The following BAZ1B variants were observed in gnomAD, a reference collection of about 807,000 sequenced individuals.
BAZ1B encodes the protein bromodomain adjacent to zinc finger domain 1B, also known as tyrosine-protein kinase BAZ1B.
A neutral mutation model predicts 153.8 loss-of-function variants in BAZ1B; 22 were observed. That is an observed-to-expected ratio of 0.14 (90% CI 0.10 to 0.20). The LOEUF (loss-of-function observed/expected upper bound fraction) is 0.20, where lower values mean the gene tolerates loss of function less well. Ranked by LOEUF, BAZ1B falls within the 10% of genes least tolerant of loss-of-function variation. BAZ1B has a pLI of 1.00. For synonymous variants in BAZ1B, 676 were observed against 633.4 expected, an observed-to-expected ratio of 1.07 and a Z score of -1.01; for missense variants, 1,325 against 1,799.3, an observed-to-expected ratio of 0.74 and a Z score of 4.77.
At chr7:73,516,826 C>T (rs1380406892) in intron 1 of BAZ1B, among the ~76,000 whole-genome samples, 2 of 148,696 alleles carry the variant, frequency 1.3e-5, no homozygotes, top group Non-Finnish European at 3.0e-5. Flanking sequence ...TCCTACAACC[C>T]CTAACAACGG....
chr7:73,449,851 A>T (rs976816789), intron 14 of BAZ1B, among the ~76,000 whole-genome samples, 162 bp from the exon 15 acceptor site: 1 of 152,232 alleles, frequency 6.6e-6, no homozygotes, highest in Non-Finnish European at 1.5e-5. Context: ...TTCTAAAAAG[A>T]AATGAAGCAT....
At position 73,489,360 on chromosome 7, in the gene BAZ1B, A is replaced by C. The variant is rs1465352380; in HGVS notation, c.725T>G (p.Ile242Ser). 6.2e-7 allele frequency: 1 copy of C among 1,614,180 alleles called. No homozygotes were observed. The highest frequency in any genetic ancestry group is 1.7e-5 in the Admixed American group (1 of 60,006). ...IISNVPADSL[I>S]RTERPPNKEI... ...CTTATTTGGTGGGCGCTCTGTACGA[A>C]TCAAGCTGTCTGCTGGCACGTTACT... The change falls in exon 6 of 20, where the codon ATT becomes AGT. Residue 242 changes from isoleucine (I) to serine (S), a missense_variant. Around this residue, in one of 9 missense-constraint regions of BAZ1B, gnomAD observed 153 missense variants for 204.8 expected, o/e 0.75. Coordinates refer to ENST00000339594, the MANE Select transcript of BAZ1B (RefSeq NM_032408.4).
chr7:73,506,210 C>T (rs997487032), intron 3 of BAZ1B, among the ~76,000 whole-genome samples: 2 of 152,028 alleles, frequency 1.3e-5, no homozygotes, highest in Non-Finnish European at 2.9e-5. Flanking sequence ...AATTAAAAAA[C>T]AAATAAGGCC....
intron 5 of BAZ1B, among the ~76,000 whole-genome samples, chr7:73,491,986 CTTTTTTTTT>C (rs782649883): frequency 1.7e-5 from 2 of 117,260 alleles, no homozygotes; most frequent in Admixed American, 1.8e-4. Context: ...CAGCAAAACG[CTTTTTTTTT>C]TTTTTTTTTT....
At position 73,478,021 on chromosome 7, in the gene BAZ1B, T is replaced by C. The variant is rs1789057419; in HGVS notation, c.1440A>G (p.Ala480=). ...HLPPAALHLI[A]YYKENKDRED... is the part of the protein sequence containing the mutation. ...CCCTGTCTTTGTTTTCTTTGTAGTA[T>C]GCAATGAGGTGTAGGGCTGCAGGAG... Residue 480 remains alanine (A), a synonymous_variant, in exon 7 of 20, where the codon GCA becomes GCG. Transcript: ENST00000339594. 6.2e-7 allele frequency: 1 copy of C among 1,614,112 alleles called. No individual in the cohort carries two copies. The highest frequency in any genetic ancestry group is 2.2e-5 in the East Asian group (1 of 44,884).
rs782747336 is a variant in BAZ1B, at chr7:73,469,613, T to A, written c.2770A>T (p.Ile924Phe). ...LFSDEVPGLF[I>F]EKGWVHDSID... ...CTGTCATGTACCCAGCCTTTTTCAATGAATAATCCTGGAACTTCATCTGAG... is the reference window on the plus strand; with the variant it reads ...CTGTCATGTACCCAGCCTTTTTCAAAGAATAATCCTGGAACTTCATCTGAG... The change falls in exon 9 of 20, where the codon ATT (isoleucine) becomes TTT (phenylalanine). Residue 924 changes from isoleucine to phenylalanine, a missense_variant. By Grantham distance (21) the Ile-to-Phe change is conservative. This residue lies in a region of BAZ1B where 431 missense variants were observed against 563.5 expected (regional missense o/e 0.76). Transcript: ENST00000339594. The A allele has an allele frequency of 1.2e-6, 2 of 1,614,046 alleles. No individual in the cohort carries two copies. Among genetic ancestry groups the A allele is most frequent in the African/African-American group, 2.7e-5 (2 of 74,926 alleles).
intron 10 of BAZ1B, 43 bp downstream of exon 10, chr7:73,466,253 T>C: frequency 1.4e-6 from 2 of 1,399,570 alleles, no homozygotes; most frequent in Non-Finnish European, 2.0e-6. Flanking sequence ...CCTTAACAAT[T>C]AAAAGGAAAA....
In BAZ1B at chr7:73,477,556, C is replaced by T. The variant is rs1554573010; in HGVS notation, c.1905G>A (p.Val635=). 1 of 1,614,154 alleles carries T rather than the reference C, an allele frequency of 6.2e-7. No homozygotes were observed. Among genetic ancestry groups the T allele is most frequent in the South Asian group, 1.1e-5 (1 of 91,082 alleles). The change falls in exon 7 of 20, where the codon GTG becomes GTA. Residue 635 remains valine (V), a synonymous_variant. Coordinates refer to ENST00000339594, the MANE Select transcript of BAZ1B (RefSeq NM_032408.4). The surrounding 1 kb of genome is among the most constrained non-coding windows in gnomAD (Gnocchi z 5.6). ...LPDAQYPITA[V]SLMEALSADK... ...CTGCACTCAAGGCTTCCATAAGGGACACAGCAGTAATAGGATACTGAGCAT... is the reference window on the plus strand; with the variant it reads ...CTGCACTCAAGGCTTCCATAAGGGATACAGCAGTAATAGGATACTGAGCAT...
At chr7:73,509,361 G>C (rs762150970) in intron 2 of BAZ1B, among the ~76,000 whole-genome samples, 1 of 151,824 alleles carries the variant, frequency 6.6e-6, no homozygotes, top group Non-Finnish European at 1.5e-5. Context: ...AACATTTTAC[G>C]AGTTTTAGGT....
At position 73,477,693 on chromosome 7, in the gene BAZ1B, G is replaced by T; in HGVS notation, c.1768C>A (p.Leu590Ile). 2 of 1,614,146 alleles carry T rather than the reference G, an allele frequency of 1.2e-6. No homozygotes were observed. The highest frequency in any genetic ancestry group is 1.6e-4 in the Middle Eastern group (1 of 6,062). Residue 590 changes from leucine (L) to isoleucine (I), a missense_variant, in exon 7 of 20, where the codon CTT (leucine) becomes ATT (isoleucine). Transcript: ENST00000339594. This position sits in a 1 kb window ranked among gnomAD's most constrained non-coding sequence, Gnocchi z 5.6. ...GTATCCACCAATCTGAATGCTGGAAGGTTTTTGCCAGTTAACTCTTGGTCC... is the reference window on the plus strand; with the variant it reads ...GTATCCACCAATCTGAATGCTGGAATGTTTTTGCCAGTTAACTCTTGGTCC... ...YEDQELTGKN[L>I]PAFRLVDTPE...
At chr7:73,465,786 T>A (rs928035577) in intron 10 of BAZ1B, among the ~76,000 whole-genome samples, 8 of 152,130 alleles carry the variant, frequency 5.3e-5, no homozygotes, top group Admixed American at 2.6e-4. Context: ...ATAAAGTTAA[T>A]TGGCATACTT....
intron 5 of BAZ1B, among the ~76,000 whole-genome samples, chr7:73,489,910 C>A (rs1028004722): frequency 6.6e-6 from 1 of 152,166 alleles, no homozygotes; most frequent in Non-Finnish European, 1.5e-5. Flanking sequence ...TTCAGCAATT[C>A]CTCTCGTTAA....
chr7:73,442,273 C>G lies in BAZ1B; in HGVS notation c.4375G>C (p.Asp1459His). The G allele has an allele frequency of 6.2e-7, 1 of 1,614,104 alleles. No individual in the cohort carries two copies. Among genetic ancestry groups the G allele is most frequent in the Non-Finnish European group, 8.5e-7 (1 of 1,180,034 alleles). ...TCCCCTTCATCTTCAGCAAGCCTAT[C>G]AGGAAACTTCTTGCGCTTCCTGCGG... ...YVRRKRKKFPDRLAEDEGDSE... is the reference protein window; with the variant it reads ...YVRRKRKKFPHRLAEDEGDSE... Residue 1459 changes from aspartate (D) to histidine (H), a missense_variant, in exon 19 of 20, where the codon GAT becomes CAT. Asp to His is a moderately conservative substitution (Grantham distance 81). Coordinates refer to ENST00000339594, the MANE Select transcript of BAZ1B (RefSeq NM_032408.4).
At chr7:73,491,592 TC>T (rs1554575472) in intron 5 of BAZ1B, among the ~76,000 whole-genome samples, 1 of 148,594 alleles carries the variant, frequency 6.7e-6, no homozygotes, top group African/African-American at 2.5e-5. Context: ...AGAGCAAAAC[TC>T]CATCTCAAAA....
In BAZ1B at chr7:73,487,848, G is replaced by A. The variant is rs1045421017; in HGVS notation, c.891+1346C>T. ...TTACTTTCTAAATTTTTCCTTTTAA[G>A]CAAATAATAATAATTTAAAGAGCAT... On this transcript the variant is annotated intron_variant, in intron 6 of 19. Coordinates refer to ENST00000339594, the MANE Select transcript of BAZ1B (RefSeq NM_032408.4). Among the ~76,000 whole-genome samples, 43 of 152,138 alleles carry A rather than the reference G, an allele frequency of 2.8e-4. 1 individual carries two copies. The highest frequency in any genetic ancestry group is 1.4e-3 in the Admixed American group (21 of 15,268).
chr7:73,496,338 C>A (rs1420660673), intron 4 of BAZ1B, among the ~76,000 whole-genome samples: 2 of 152,108 alleles, frequency 1.3e-5, no homozygotes. Context: ...TGGGATGGAC[C>A]AACTACAATG....
At chr7:73,469,083 T>G (rs1788699502) in intron 9 of BAZ1B, among the ~76,000 whole-genome samples, 1 of 146,448 alleles carries the variant, frequency 6.8e-6, no homozygotes, top group African/African-American at 2.6e-5. Context: ...TGAGCCGAGA[T>G]CACGCCATTG....
rs782466767 is a variant in BAZ1B, at chr7:73,449,528, GA to G, written c.3728+13del. 1.2e-4 allele frequency: 186 copies of G among 1,598,312 alleles called. 2 individuals carry two copies. The South Asian group carries it at 2.0e-3, about 17-fold the overall frequency. On this transcript the variant is annotated intron_variant, in intron 15 of 19. Transcript: ENST00000339594. ...TTTATTCATTCAATTATTTTTAAAAGAAAAGATTCTCACCTGCCACGGGAGT... is the reference window on the plus strand; with the variant it reads ...TTTATTCATTCAATTATTTTTAAAAGAAAGATTCTCACCTGCCACGGGAGT...
chr7:73,469,496 T>C (rs1788715590), intron 9 of BAZ1B, 21 bp downstream of exon 9: 1 of 1,613,792 alleles, frequency 6.2e-7, no homozygotes, highest in South Asian at 1.1e-5. Context: ...AAATAACTCT[T>C]AGATATACAG....
Sources: gnomAD v4.1 joint callset for allele counts (sites outside exome capture counted in the v4.1 genomes callset) on GRCh38, gnomAD v4.1.1 for gene constraint, gnomAD v4.1.1 regional missense constraint, Gnocchi (gnomAD v3.1) non-coding constraint, MANE v1.5 for transcripts, NCBI Gene and HGNC (gene_info 2026-07-23, HGNC 2026-07-21) for gene names.